The following GRIN2C variants were observed in gnomAD, a reference collection of about 807,000 sequenced individuals.
GRIN2C encodes glutamate ionotropic receptor NMDA type subunit 2C.
In GRIN2C, 64 loss-of-function variants were observed where a neutral mutation model predicts 77.7. That is an observed-to-expected ratio of 0.82 (90% CI 0.67 to 1.01). The LOEUF is 1.01. Ranked by LOEUF, GRIN2C falls within the 50% of genes least tolerant of loss-of-function variation. The probability of loss-of-function intolerance (pLI) is 0.00; values close to 1 mark genes in which losing one functional copy is unlikely to be tolerated. For missense variants in GRIN2C, 1,549 were observed against 1,486.0 expected (o/e 1.04, Z -0.70); for synonymous variants, 792 against 643.4 (o/e 1.23, Z -3.49).
chr17:74,861,159 G>A (rs1175715213), upstream of GRIN2C, among the ~76,000 whole-genome samples: 1 of 152,180 alleles, frequency 6.6e-6, no homozygotes, highest in Non-Finnish European at 1.5e-5. Context: ...TGGACGCTTC[G>A]CCCGCGTCCT....
At chr17:74,851,052 T>G (rs886739400) in intron 4 of GRIN2C, 2 of 510,682 alleles carry the variant, frequency 3.9e-6, no homozygotes, top group Non-Finnish European at 7.1e-6. Context: ...CTCAAGGCCC[T>G]TCATGCTCCA....
In GRIN2C at chr17:74,849,302, C is replaced by T. The variant is rs1235303949; in HGVS notation, c.1645+478G>A. On this transcript the variant is annotated intron_variant, in intron 7 of 12. Coordinates refer to ENST00000293190, the MANE Select transcript of GRIN2C (RefSeq NM_000835.6). The surrounding 1 kb of genome is among the most constrained non-coding windows in gnomAD (Gnocchi z 4.6). ...CTGCCACCTCACACTTCATGTCCCA[C>T]GTGGCCTCTGACAGGGAACTTTGGG... 1.3e-5 allele frequency among the ~76,000 whole-genome samples: 2 copies of T among 152,156 alleles called. No homozygotes were observed. The highest frequency in any genetic ancestry group is 2.9e-5 in the Non-Finnish European group (2 of 68,024).
At position 74,842,920 on chromosome 17, in the gene GRIN2C, G is replaced by C. The variant is rs2037337608; in HGVS notation, c.3217C>G (p.Arg1073Gly). The change falls in exon 13 of 13, where the codon CGG becomes GGG. Residue 1073 changes from arginine to glycine, a missense_variant. Arg to Gly is a moderately radical substitution (Grantham distance 125, BLOSUM62 -2). Transcript: ENST00000293190. ...REALLHAAWA[R>G]GSRPRHASLP... ...GAAGCGTGACGCGGGCGCGAGCCCC[G>C]GGCCCAGGCCGCGTGCAGCAGGGCC... 1 of 568,862 alleles carries C rather than the reference G, an allele frequency of 1.8e-6. No individual in the cohort carries two copies. Among genetic ancestry groups the C allele is most frequent in the South Asian group, 2.1e-5 (1 of 48,066 alleles). The allele number at this position is 568,862 out of a possible 1,614,324, so 35.2% of individuals were successfully genotyped here. A position where few individuals can be genotyped will look rare whatever the true frequency, so the allele number is the denominator to read the frequency against.
Position 74,847,989 on chromosome 17 carries a change from G to A in GRIN2C, c.1646-12C>T, listed in dbSNP as rs369978472. The A allele has an allele frequency of 1.9e-6, 3 of 1,613,848 alleles. No homozygotes were observed. Among genetic ancestry groups the A allele is most frequent in the African/African-American group, 2.7e-5 (2 of 74,912 alleles). On this transcript the variant is annotated splice_polypyrimidine_tract_variant and intron_variant, in intron 7 of 12. Coordinates refer to ENST00000293190, the MANE Select transcript of GRIN2C (RefSeq NM_000835.6). This position sits in a 1 kb window ranked among gnomAD's most constrained non-coding sequence, Gnocchi z 5.2. ...AGGGCTATATGGCTCTGGGGACAGA[G>A]GGAGGCAGCTCAGAGGCCTCGGCAT...
rs2037368635 is a variant in GRIN2C, at chr17:74,843,558, G to C, written c.2584-5C>G. 3.5e-5 allele frequency: 53 copies of C among 1,532,084 alleles called. No individual in the cohort carries two copies. The highest frequency in any genetic ancestry group is 4.5e-5 in the Non-Finnish European group (52 of 1,146,140). 94.9% of individuals were successfully genotyped at this position (1,532,084 alleles called of 1,614,324 possible). A position where few individuals can be genotyped will look rare whatever the true frequency, so the allele number is the denominator to read the frequency against. Reference sequence around the variant, plus strand: ...GCTGAAGCAGCTGTAGATGCCCTGGGCAGTAGGGAGACGACAGGCCGTAAG... The same window carrying C: ...GCTGAAGCAGCTGTAGATGCCCTGGCCAGTAGGGAGACGACAGGCCGTAAG... On this transcript the variant is annotated splice_region_variant and splice_polypyrimidine_tract_variant and intron_variant, in intron 12 of 12. Coordinates refer to ENST00000293190, the MANE Select transcript of GRIN2C (RefSeq NM_000835.6).
At chr17:74,860,037 C>G (rs866441448), upstream of GRIN2C, among the ~76,000 whole-genome samples, 4 of 151,978 alleles carry the variant, frequency 2.6e-5, no homozygotes, top group African/African-American at 9.6e-5. Flanking sequence ...CTCCCCCAAG[C>G]TGGGTCGTGA....
rs530278672 is a variant in GRIN2C, at chr17:74,858,576, G to A, written c.-16+1168C>T. ...GGAGGGACAAACTCCACTTTCCCCC[G>A]CCACAATCTCCTCCCTTGCCTCCCC... On this transcript the variant is annotated intron_variant, in intron 1 of 12. Transcript: ENST00000293190. Among the ~76,000 whole-genome samples the A allele has an allele frequency of 6.2e-4, 73 of 117,056 alleles. 1 individual carries two copies. The highest frequency in any genetic ancestry group is 5.1e-3 in the South Asian group (18 of 3,564). The allele number at this position is 117,056 out of a possible 152,430, so 76.8% of individuals were successfully genotyped here.
chr17:74,842,857 T>C lies in GRIN2C; in HGVS notation c.3280A>G (p.Ser1094Gly), dbSNP rs1204921941. 1.8e-6 allele frequency: 1 copy of C among 567,352 alleles called. No individual in the cohort carries two copies. The highest frequency in any genetic ancestry group is 2.0e-5 in the African/African-American group (1 of 49,582). 35.1% of individuals were successfully genotyped at this position (567,352 alleles called of 1,614,324 possible). The change falls in exon 13 of 13, where the codon AGC (serine) becomes GGC (glycine). Residue 1094 changes from serine (S) to glycine (G), a missense_variant. By Grantham distance (56) the Ser-to-Gly change is moderately conservative. Around this residue, in one of 3 missense-constraint regions of GRIN2C, gnomAD observed 450 missense variants for 267.9 expected, o/e 1.68. Coordinates refer to ENST00000293190, the MANE Select transcript of GRIN2C (RefSeq NM_000835.6). Reference sequence around the variant, plus strand: ...CCGGTGCACCCAGCGGGCAGCGAGCTGGGCCGAGCGAAGGCCTCGGCCACG... The same window carrying C: ...CCGGTGCACCCAGCGGGCAGCGAGCCGGGCCGAGCGAAGGCCTCGGCCACG... ...SSVAEAFARPSSLPAGCTGPA... is the reference protein window; with the variant it reads ...SSVAEAFARPGSLPAGCTGPA...
Position 74,844,474 on chromosome 17 carries a change from T to G in GRIN2C, c.2385A>C (p.Ser795=), listed in dbSNP as rs113050737. The change falls in exon 12 of 13, where the codon TCA becomes TCC. Residue 795 remains serine, a synonymous_variant. Transcript: ENST00000293190. ...CGTTCTTCTCATTCTGGCAGATCCC[T>G]GAGAGCCACACTGTCTCCAGTTTCT... is the stretch of plus-strand genomic sequence containing the variant. The part of the protein sequence containing the change: ...ETQKLETVWL[S]GICQNEKNEV... 533 of 1,614,226 alleles carry G rather than the reference T, an allele frequency of 3.3e-4. 6 individuals carry two copies. In the African/African-American group the frequency reaches 5.1e-3, roughly 16 times the overall value.
At chr17:74,845,690 G>A (rs192275727) in intron 11 of GRIN2C, among the ~76,000 whole-genome samples, 7 of 152,266 alleles carry the variant, frequency 4.6e-5, no homozygotes, top group African/African-American at 1.7e-4. Flanking sequence ...GTAATCTCAA[G>A]ATGGCCATGG....
At position 74,850,322 on chromosome 17, in the gene GRIN2C, T is replaced by C; in HGVS notation, c.1375A>G (p.Ile459Val). ...YTKLCCKGFC[I>V]DILKKLARVV... ...CTGGCCAGCTTCTTGAGGATGTCGA[T>C]GCAGAATCCCTTACAGCAGAGCTTG... The change falls in exon 6 of 13, where the codon ATC becomes GTC. Residue 459 changes from isoleucine (I) to valine (V), a missense_variant. Ile to Val is a conservative substitution (Grantham distance 29). This residue lies in a region of GRIN2C where 717 missense variants were observed against 858.1 expected (regional missense o/e 0.84). Transcript: ENST00000293190. This position sits in a 1 kb window ranked among gnomAD's most constrained non-coding sequence, Gnocchi z 5.3. 2.5e-6 allele frequency: 4 copies of C among 1,613,828 alleles called. No individual in the cohort carries two copies. Among genetic ancestry groups the C allele is most frequent in the Non-Finnish European group, 2.5e-6 (3 of 1,179,966 alleles).
Position 74,850,597 on chromosome 17 carries a change from G to C in GRIN2C, c.1284C>G (p.Pro428=), listed in dbSNP as rs949361839. ...SPDPGTGGCV[P]NTVPCRRQSN... ...TCTGCCTGCGGCAGGGCACGGTGTT[G>C]GGGACACAGCCTCCTGTGCCAGGGT... The change falls in exon 5 of 13, where the codon CCC becomes CCG. Residue 428 remains proline, a synonymous_variant. Coordinates refer to ENST00000293190, the MANE Select transcript of GRIN2C (RefSeq NM_000835.6). The surrounding 1 kb of genome is among the most constrained non-coding windows in gnomAD (Gnocchi z 5.3). 1.2e-5 allele frequency: 19 copies of C among 1,613,422 alleles called. No homozygotes were observed. Among genetic ancestry groups the C allele is most frequent in the Admixed American group, 5.0e-5 (3 of 60,006 alleles).
chr17:74,851,105 C>T (rs2037629457), intron 4 of GRIN2C: 1 of 384,326 alleles, frequency 2.6e-6, no homozygotes, highest in Non-Finnish European at 4.8e-6. Flanking sequence ...GCACCTCTTC[C>T]TGGTGGGCTC....
Position 74,843,549 on chromosome 17 carries a change from A to G in GRIN2C, c.2588T>C (p.Ile863Thr), listed in dbSNP as rs1308468356. The change falls in exon 13 of 13, where the codon ATC becomes ACC. Residue 863 changes from isoleucine (I) to threonine (T), a missense_variant. Physicochemically the swap from Ile to Thr is moderately conservative, Grantham distance 89. Transcript: ENST00000293190. The part of the protein sequence containing the change: ...LDFLLAFSRG[I>T]YSCFSGVQSL... ...CTGCACCCCGCTGAAGCAGCTGTAG[A>G]TGCCCTGGGCAGTAGGGAGACGACA... The G allele has an allele frequency of 2.6e-6, 4 of 1,532,702 alleles. No homozygotes were observed. The highest frequency in any genetic ancestry group is 2.0e-5 in the Admixed American group (1 of 50,940). The allele number at this position is 1,532,702 out of a possible 1,614,324, so 94.9% of individuals were successfully genotyped here. A position where few individuals can be genotyped will look rare whatever the true frequency, so the allele number is the denominator to read the frequency against.
rs1177519565 is a variant in GRIN2C, at chr17:74,844,498, C to T, written c.2361G>A (p.Gln787=). ...CTGAGAGCCACACTGTCTCCAGTTT[C>T]TGTGTCTCTCCTGGAGTTGGGGGGT... ...LLQFLGDGET[Q]KLETVWLSGI... is the part of the protein sequence containing the mutation. The change falls in exon 12 of 13, where the codon CAG becomes CAA. Residue 787 remains glutamine, a synonymous_variant. Coordinates refer to ENST00000293190, the MANE Select transcript of GRIN2C (RefSeq NM_000835.6). The T allele has an allele frequency of 6.2e-7, 1 of 1,613,932 alleles. No individual in the cohort carries two copies. Among genetic ancestry groups the T allele is most frequent in the Non-Finnish European group, 8.5e-7 (1 of 1,179,922 alleles).
Position 74,852,248 on chromosome 17 carries a change from G to A in GRIN2C, c.763C>T (p.Pro255Ser). The A allele has an allele frequency of 7.1e-7, 1 of 1,400,934 alleles. No individual in the cohort carries two copies. The highest frequency in any genetic ancestry group is 3.3e-5 in the Admixed American group (1 of 30,530). 86.8% of individuals were successfully genotyped at this position (1,400,934 alleles called of 1,614,324 possible). ...TCGGTGCTGCCCAGCGCCAGGTTGG[G>A]CACCAGCCACACGTGGCCGGGCCCC... ...LVGPGHVWLV[P>S]NLALGSTDAP... The change falls in exon 3 of 13, where the codon CCC becomes TCC. Residue 255 changes from proline (P) to serine (S), a missense_variant. By Grantham distance (74) the Pro-to-Ser change is moderately conservative. Transcript: ENST00000293190.
intron 7 of GRIN2C, 119 bp from the exon 8 acceptor site, chr17:74,848,096 A>C: frequency 9.0e-7 from 1 of 1,114,164 alleles, no homozygotes; most frequent in Non-Finnish European, 1.3e-6. Flanking sequence ...AGCTCTGCGG[A>C]CCCAGCCAAG....
intron 7 of GRIN2C, among the ~76,000 whole-genome samples, chr17:74,848,732 T>C (rs972674593): frequency 2.0e-5 from 3 of 151,412 alleles, no homozygotes; most frequent in African/African-American, 4.9e-5. Context: ...ATCACTACTA[T>C]TGGCCAGGTG....
At chr17:74,856,716 T>C (rs1413272972) in intron 1 of GRIN2C, among the ~76,000 whole-genome samples, 2 of 151,874 alleles carry the variant, frequency 1.3e-5, no homozygotes, top group Non-Finnish European at 2.9e-5. Context: ...CCTGACCTCA[T>C]GATCTGCCCA....
Sources: gnomAD v4.1 joint callset for allele counts (sites outside exome capture counted in the v4.1 genomes callset) on GRCh38, gnomAD v4.1.1 for gene constraint, gnomAD v4.1.1 regional missense constraint, Gnocchi (gnomAD v3.1) non-coding constraint, MANE v1.5 for transcripts, NCBI Gene and HGNC (gene_info 2026-07-23, HGNC 2026-07-21) for gene names.